Variants in ECSIT observed in about 807,000 individuals in gnomAD.
ECSIT encodes evolutionarily conserved signaling intermediate in Toll pathway, mitochondrial.
Under a neutral mutation model 36.8 loss-of-function variants are expected in ECSIT, and 29 were observed. That is an observed-to-expected ratio of 0.79 (90% confidence interval 0.59 to 1.08). The LOEUF is 1.08. Ranked by LOEUF, ECSIT falls within the 50% of genes least tolerant of loss-of-function variation. The pLI, the probability that ECSIT is intolerant of heterozygous loss-of-function variation, is 0.00. For synonymous variants in ECSIT, 231 were observed against 234.8 expected, an observed-to-expected ratio of 0.98 and a Z score of 0.15; for missense variants, 542 against 581.0, an observed-to-expected ratio of 0.93 and a Z score of 0.69.
In ECSIT at chr19:11,514,312, G is replaced by A. The variant is rs1051996121; in HGVS notation, c.97-91C>T. ...GCTCTTTCCTCAGAGAGGTCCCAGT[G>A]GCCTCCCTGAGGACTCGGAGGTATG... On this transcript the variant is annotated intron_variant, in intron 2 of 7. Transcript: ENST00000270517. The A allele has an allele frequency of 3.9e-6, 5 of 1,289,258 alleles. No individual in the cohort carries two copies. The African/African-American group carries it at 7.4e-5, about 19-fold the overall frequency. The allele number at this position is 1,289,258 out of a possible 1,614,324, so 79.9% of individuals were successfully genotyped here.
At chr19:11,509,260 A>T (rs1164487102) in intron 4 of ECSIT, among the ~76,000 whole-genome samples, 2 of 151,162 alleles carry the variant, frequency 1.3e-5, no homozygotes, top group African/African-American at 4.9e-5. Flanking sequence ...TTTAGTAGAG[A>T]CAGGGTTTCT....
rs957002608 is a variant in ECSIT, at chr19:11,519,132, G to C, written c.39C>G (p.Leu13=). 1 of 1,550,772 alleles carries C rather than the reference G, an allele frequency of 6.4e-7. No individual in the cohort carries two copies. Among genetic ancestry groups the C allele is most frequent in the African/African-American group, 1.4e-5 (1 of 73,136 alleles). Residue 13 remains leucine (L), a synonymous_variant, in exon 2 of 8, where the codon CTC becomes CTG. Coordinates refer to ENST00000270517, the MANE Select transcript of ECSIT (RefSeq NM_016581.5). This position sits in a 1 kb window ranked among gnomAD's most constrained non-coding sequence, Gnocchi z 4.4. ...CGCAGGTGCCTCCCCAGGCCCTACAGAGGCCTCGGGCCAGTAGGGTGGCCT... is the reference window on the plus strand; with the variant it reads ...CGCAGGTGCCTCCCCAGGCCCTACACAGGCCTCGGGCCAGTAGGGTGGCCT... ...WVQATLLARG[L]CRAWGGTCGA... is the part of the protein sequence containing the mutation.
intron 1 of ECSIT, among the ~76,000 whole-genome samples, chr19:11,528,556 A>C (rs1460660196): frequency 1.3e-5 from 2 of 152,196 alleles, no homozygotes; most frequent in Non-Finnish European, 2.9e-5. Context: ...GTTTATTTCT[A>C]ATTTGTTCAA....
rs757376880 is a variant in ECSIT at position 11,514,134 on chromosome 19, G to A, written c.184C>T (p.Arg62Trp). The A allele has an allele frequency of 1.9e-5, 30 of 1,613,806 alleles. No homozygotes were observed. The highest frequency in any genetic ancestry group is 6.7e-5 in the Admixed American group (4 of 59,978). ...QSLVPSPPEP[R>W]QRPTKALVPF... ...ACCAGAGCCTTGGTGGGCCTCTGCC[G>A]GGGTTCCGGTGGGCTGGGAACCAGG... The change falls in exon 3 of 8, where the codon CGG (arginine) becomes TGG (tryptophan). Residue 62 changes from arginine to tryptophan, a missense_variant. Transcript: ENST00000270517.
rs747389355 is a variant in ECSIT, at chr19:11,507,521, C to T, written c.987G>A (p.Pro329=). The T allele has an allele frequency of 5.6e-6, 9 of 1,613,950 alleles. No individual in the cohort carries two copies. The highest frequency in any genetic ancestry group is 1.6e-4 in the Middle Eastern group (1 of 6,084). Residue 329 remains proline, a synonymous_variant, in exon 7 of 8, where the codon CCG becomes CCA. Coordinates refer to ENST00000270517, the MANE Select transcript of ECSIT (RefSeq NM_016581.5). The part of the protein sequence containing the change: ...ETPEEWNLYY[P]MQLDLEYVRS... ...TCACATACTCCAGGTCCAGCTGCAT[C>T]GGGTAGTAGAGGTTCCACTCCTCCG...
chr19:11,513,373 C>T, intron 3 of ECSIT, 94 bp from the exon 4 acceptor site: 3 of 1,022,434 alleles, frequency 2.9e-6, no homozygotes, highest in Non-Finnish European at 4.6e-6. Context: ...GGGAATTGAT[C>T]ACAGACAGGG....
Position 11,507,731 on chromosome 19 carries a change from T to C in ECSIT, c.916A>G (p.Arg306Gly). The change falls in exon 6 of 8, where the codon AGA becomes GGA. Residue 306 changes from arginine to glycine, a missense_variant. By Grantham distance (125) the Arg-to-Gly change is moderately radical. Transcript: ENST00000270517. ...RNKCVYYHIL[R>G]ADLLPPEERE... ...TCCTCCGGGGGCAGCAAGTCAGCTC[T>C]GAGGATGTGGTAATACACACACTTG... 1 of 1,614,124 alleles carries C rather than the reference T, an allele frequency of 6.2e-7. No homozygotes were observed. The highest frequency in any genetic ancestry group is 8.5e-7 in the Non-Finnish European group (1 of 1,180,018).
At chr19:11,508,972 T>C (rs1411508112) in intron 4 of ECSIT, among the ~76,000 whole-genome samples, 1 of 152,174 alleles carries the variant, frequency 6.6e-6, no homozygotes, top group Non-Finnish European at 1.5e-5. Flanking sequence ...TAGAAGCAAA[T>C]GATAGCTTTC....
In ECSIT at chr19:11,507,563, C is replaced by T. The variant is rs201950682; in HGVS notation, c.946-1G>A. 1 of 1,614,058 alleles carries T rather than the reference C, an allele frequency of 6.2e-7. No individual in the cohort carries two copies. The highest frequency in any genetic ancestry group is 1.3e-5 in the African/African-American group (1 of 75,022). ...ACTCCTCCGGCGTCTCTTCCACTTC[C>T]TACTCCAAGGTGGGGAGTGCAGGCG... On this transcript the variant is annotated splice_acceptor_variant, in intron 6 of 7. Coordinates refer to ENST00000270517, the MANE Select transcript of ECSIT (RefSeq NM_016581.5). LOFTEE classifies it high-confidence loss of function.
chr19:11,511,948 G>A (rs1277526134), intron 4 of ECSIT, among the ~76,000 whole-genome samples: 4 of 151,842 alleles, frequency 2.6e-5, no homozygotes, highest in African/African-American at 4.8e-5. Flanking sequence ...CAGGAGAATC[G>A]CTTGAACCCG....
intron 4 of ECSIT, among the ~76,000 whole-genome samples, chr19:11,509,069 A>ATTT (rs140542540): frequency 2.9e-5 from 4 of 136,586 alleles, no homozygotes; most frequent in East Asian, 2.1e-4. Flanking sequence ...ACACTAGACA[A>ATTT]TTTTTTTTTT....
intron 1 of ECSIT, among the ~76,000 whole-genome samples, chr19:11,520,213 C>T (rs1371802880): frequency 6.6e-6 from 1 of 152,004 alleles, no homozygotes; most frequent in Non-Finnish European, 1.5e-5. Flanking sequence ...GCTCTGTCAC[C>T]CAGGCTGAAG....
intron 3 of ECSIT, 77 bp from the exon 4 acceptor site, chr19:11,513,356 G>A: frequency 8.5e-7 from 1 of 1,177,910 alleles, no homozygotes; most frequent in Non-Finnish European, 1.3e-6. Context: ...AGAAAACAGT[G>A]AAGTGAGGGA....
At chr19:11,506,663 G>C (rs1971750010) in intron 7 of ECSIT, among the ~76,000 whole-genome samples, 1 of 151,672 alleles carries the variant, frequency 6.6e-6, no homozygotes. Context: ...GCCTCCCGAG[G>C]AGCTGGGATT....
At chr19:11,507,393 A>G (rs376516130) in intron 7 of ECSIT, 64 bp downstream of exon 7, 43 of 1,348,848 alleles carry the variant, frequency 3.2e-5, no homozygotes, top group East Asian at 1.4e-4. Flanking sequence ...CTCCCACCTC[A>G]GCCTGTAGGA....
At chr19:11,518,911 A>T (rs1568405481) in intron 2 of ECSIT, among the ~76,000 whole-genome samples, 164 bp downstream of exon 2, 1 of 152,138 alleles carries the variant, frequency 6.6e-6, no homozygotes, top group African/African-American at 2.4e-5. Flanking sequence ...CAAACACATA[A>T]ACATACATAC....
In ECSIT at chr19:11,513,921, G is replaced by A. The variant is rs371566251; in HGVS notation, c.397C>T (p.Leu133Phe). 1 of 1,614,086 alleles carries A rather than the reference G, an allele frequency of 6.2e-7. No individual in the cohort carries two copies. The highest frequency in any genetic ancestry group is 1.3e-5 in the African/African-American group (1 of 74,938). The stretch of plus-strand genomic sequence containing the variant: ...AAGACCTCCTTGGGGAAGATGTTGA[G>A]CAGCTGGTTGTACACAGCCAGGTCC... Reference protein sequence around the residue: ...ERDLAVYNQLLNIFPKEVFRP... With the variant: ...ERDLAVYNQLFNIFPKEVFRP... The change falls in exon 3 of 8, where the codon CTC becomes TTC. Residue 133 changes from leucine (L) to phenylalanine (F), a missense_variant. Coordinates refer to ENST00000270517, the MANE Select transcript of ECSIT (RefSeq NM_016581.5).
chr19:11,507,708 C>T lies in ECSIT; in HGVS notation c.939G>A (p.Glu313=). The change falls in exon 6 of 8, where the codon GAG becomes GAA. Residue 313 remains glutamate (E), a synonymous_variant. Transcript: ENST00000270517. ...CTTTGCTTTAAGCCCTCACCCTCTC[C>T]TCCGGGGGCAGCAAGTCAGCTCTGA... ...HILRADLLPP[E]EREVEETPEE... is the part of the protein sequence containing the mutation. 1 of 1,614,146 alleles carries T rather than the reference C, an allele frequency of 6.2e-7. No individual in the cohort carries two copies. The highest frequency in any genetic ancestry group is 8.5e-7 in the Non-Finnish European group (1 of 1,180,048).
intron 4 of ECSIT, among the ~76,000 whole-genome samples, chr19:11,508,714 G>A (rs1233435394): frequency 2.0e-5 from 3 of 151,984 alleles, no homozygotes; most frequent in Non-Finnish European, 4.4e-5. Flanking sequence ...CACCATGCCC[G>A]GCTAATTTTT....
Sources: allele counts gnomAD v4.1 joint callset (sites outside exome capture counted in the v4.1 genomes callset), GRCh38; gene constraint gnomAD v4.1.1; non-coding constraint Gnocchi (gnomAD v3.1); transcripts MANE v1.5; gene names NCBI Gene and HGNC (gene_info 2026-07-23, HGNC 2026-07-21).